TLL1: variants seen among roughly 807,000 people sequenced by gnomAD.
TLL1 encodes tolloid-like protein 1.
Under a neutral mutation model 128.2 loss-of-function variants are expected in TLL1, and 49 were observed. That is an observed-to-expected ratio of 0.38 (90% CI 0.30 to 0.48). The LOEUF (loss-of-function observed/expected upper bound fraction) is 0.48. TLL1 is among the 20% of genes least tolerant of loss of function. The probability of loss-of-function intolerance (pLI) is 0.96; values close to 1 mark genes in which losing one functional copy is unlikely to be tolerated. For missense variants in TLL1, 1,123 were observed against 1,242.0 expected (o/e 0.90, Z 1.44); for synonymous variants, 454 against 418.8 (o/e 1.08, Z -1.03).
intron 1 of TLL1, among the ~76,000 whole-genome samples, chr4:165,944,762 G>A (rs1734168490): frequency 6.6e-6 from 1 of 152,006 alleles, no homozygotes; most frequent in Non-Finnish European, 1.5e-5. Flanking sequence ...TTGAAACTGG[G>A]AGAAGATAAA....
At chr4:165,907,555 T>G (rs1348530110) in intron 1 of TLL1, among the ~76,000 whole-genome samples, 3 of 151,960 alleles carry the variant, frequency 2.0e-5, no homozygotes, top group Non-Finnish European at 2.9e-5. Context: ...CAAGCCTTTT[T>G]TTTTTTTTTT....
At chr4:165,984,919 G>C (rs948954639) in intron 1 of TLL1, among the ~76,000 whole-genome samples, 41 of 151,948 alleles carry the variant, frequency 2.7e-4, no homozygotes, top group Middle Eastern at 3.4e-3. Flanking sequence ...TTAGTATTTT[G>C]GTTCTTAAAG....
intron 12 of TLL1, chr4:166,053,080 T>G (rs189919434): frequency 6.6e-6 from 1 of 150,882 alleles, no homozygotes; most frequent in Non-Finnish European, 1.5e-5. Flanking sequence ...ATTTTCCATT[T>G]ATTCCCATAA....
intron 1 of TLL1, among the ~76,000 whole-genome samples, chr4:165,947,686 G>C (rs976299109): frequency 3.3e-5 from 5 of 152,054 alleles, no homozygotes; most frequent in South Asian, 4.1e-4. Context: ...TTAAGGGTGT[G>C]ACTTACAGAA....
At chr4:165,935,039 T>C (rs1258113677) in intron 1 of TLL1, among the ~76,000 whole-genome samples, 1 of 152,166 alleles carries the variant, frequency 6.6e-6, no homozygotes, top group Non-Finnish European at 1.5e-5. Context: ...AGATAATATT[T>C]CCCAAGTGCC....
intron 1 of TLL1, among the ~76,000 whole-genome samples, chr4:165,988,648 A>G (rs1350097510): frequency 6.6e-6 from 1 of 151,952 alleles, no homozygotes; most frequent in Non-Finnish European, 1.5e-5. Context: ...TAATAAAAAT[A>G]ATAATAATAG....
At chr4:166,047,798 A>T (rs2111100673) in intron 12 of TLL1, among the ~76,000 whole-genome samples, 1 of 152,242 alleles carries the variant, frequency 6.6e-6, no homozygotes, top group Non-Finnish European at 1.5e-5. Flanking sequence ...CCATTTGGGA[A>T]GTGATGTGGT....
intron 1 of TLL1, among the ~76,000 whole-genome samples, chr4:165,969,447 G>A (rs1735535374): frequency 6.6e-6 from 1 of 152,088 alleles, no homozygotes; most frequent in African/African-American, 2.4e-5. Flanking sequence ...TGGAGGTGGA[G>A]TGCATAACAT....
chr4:166,050,513 A>G (rs1056709446), intron 12 of TLL1, among the ~76,000 whole-genome samples: 3 of 152,188 alleles, frequency 2.0e-5, no homozygotes, highest in African/African-American at 7.2e-5. Flanking sequence ...TTTAGGGAGC[A>G]TGGGATACCT....
chr4:165,899,753 C>A (rs958578369), intron 1 of TLL1, among the ~76,000 whole-genome samples: 2 of 152,126 alleles, frequency 1.3e-5, no homozygotes, highest in Admixed American at 1.3e-4. Flanking sequence ...TGGTCCAGAG[C>A]TGAGTTAAAG....
At chr4:165,926,707 G>T (rs1733285670) in intron 1 of TLL1, among the ~76,000 whole-genome samples, 1 of 152,148 alleles carries the variant, frequency 6.6e-6, no homozygotes, top group Admixed American at 6.5e-5. Flanking sequence ...AGAGTGGACA[G>T]TTGCTACCCA....
At chr4:166,077,533 A>G (rs556938636) in intron 17 of TLL1, among the ~76,000 whole-genome samples, 1 of 152,308 alleles carries the variant, frequency 6.6e-6, no homozygotes, top group Non-Finnish European at 1.5e-5. Context: ...GGCATAGTCC[A>G]ATGATGTTTG....
chr4:165,974,889 C>T (rs1181796979), intron 1 of TLL1, among the ~76,000 whole-genome samples: 1 of 152,068 alleles, frequency 6.6e-6, no homozygotes, highest in African/African-American at 2.4e-5. Context: ...GGAGGCAGAC[C>T]CTGTGATAGA....
intron 9 of TLL1, among the ~76,000 whole-genome samples, chr4:166,029,320 A>G (rs1261312293): frequency 6.6e-6 from 1 of 151,996 alleles, no homozygotes; most frequent in Non-Finnish European, 1.5e-5. Context: ...TCCCAATTCA[A>G]AAAAGGATCT....
intron 19 of TLL1, among the ~76,000 whole-genome samples, chr4:166,092,104 T>C (rs1422610061): frequency 2.0e-5 from 3 of 152,070 alleles, no homozygotes; most frequent in Non-Finnish European, 4.4e-5. Context: ...CCTAGTGGCA[T>C]TGCTGATGCA....
intron 1 of TLL1, among the ~76,000 whole-genome samples, chr4:165,933,616 G>A (rs967179422): frequency 4.6e-5 from 7 of 152,146 alleles, no homozygotes; most frequent in African/African-American, 1.7e-4. Flanking sequence ...ACTTAGAGAA[G>A]TATCCCAAAT....
intron 1 of TLL1, among the ~76,000 whole-genome samples, chr4:165,941,905 G>A (rs1734029151): frequency 6.6e-6 from 1 of 151,976 alleles, no homozygotes; most frequent in Admixed American, 6.6e-5. Flanking sequence ...GTATGGTCTG[G>A]ACCCAGTTAC....
rs757778223 is a variant in TLL1 at position 166,060,073 on chromosome 4, C to A, written c.1892C>A (p.Thr631Asn). The change falls in exon 15 of 21, where the codon ACC becomes AAC. Residue 631 changes from threonine (T) to asparagine (N), a missense_variant. Thr to Asn is a moderately conservative substitution (Grantham distance 65). Transcript: ENST00000061240. ...LLTKLNGTIT[T>N]PGWPKEYPPN... ...ACCAAACTTAACGGCACCATAACCA[C>A]CCCTGGCTGGCCCAAGGAGTACCCT... is the stretch of plus-strand genomic sequence containing the variant. 2 of 1,613,718 alleles carry A rather than the reference C, an allele frequency of 1.2e-6. No homozygotes were observed. The highest frequency in any genetic ancestry group is 4.5e-5 in the East Asian group (2 of 44,804).
Position 166,074,859 on chromosome 4 carries a change from G to A in TLL1, c.2189-19G>A. 6.2e-7 allele frequency: 1 copy of A among 1,612,442 alleles called. No individual in the cohort carries two copies. Among genetic ancestry groups the A allele is most frequent in the Non-Finnish European group, 8.5e-7 (1 of 1,179,026 alleles). ...TTTTAAAGTTACTTACTAGACTATG[G>A]GATTGATCTCTTTGCTAGACAAAGA... On this transcript the variant is annotated intron_variant, in intron 16 of 20. Transcript: ENST00000061240.
Sources: gnomAD v4.1 joint callset for allele counts (sites outside exome capture counted in the v4.1 genomes callset) on GRCh38, gnomAD v4.1.1 for gene constraint, MANE v1.5 for transcripts, NCBI Gene and HGNC (gene_info 2026-07-23, HGNC 2026-07-21) for gene names.